The following CCSER1 variants were observed in gnomAD, a reference collection of about 807,000 sequenced individuals.
CCSER1 encodes the protein serine-rich coiled-coil domain-containing protein 1.
In CCSER1, 41 loss-of-function variants were observed where a neutral mutation model predicts 82.0. That is an observed-to-expected ratio of 0.50 (90% CI 0.39 to 0.65). The LOEUF (loss-of-function observed/expected upper bound fraction) is 0.65. Ranked by LOEUF, CCSER1 falls within the 30% of genes least tolerant of loss-of-function variation. The probability of loss-of-function intolerance (pLI) is 0.00; values close to 1 mark genes in which losing one functional copy is unlikely to be tolerated. For missense variants in CCSER1, 1,119 were observed against 1,064.2 expected, an observed-to-expected ratio of 1.05 and a Z score of -0.72; for synonymous variants, 414 against 383.9, an observed-to-expected ratio of 1.08 and a Z score of -0.92.
intron 3 of CCSER1, among the ~76,000 whole-genome samples, chr4:90,375,730 A>G (rs754216721): frequency 6.6e-6 from 1 of 152,136 alleles, no homozygotes; most frequent in Non-Finnish European, 1.5e-5. Context: ...AACATTGCCA[A>G]ACCTCTGGAT....
chr4:90,493,927 T>C (rs1276618675), intron 5 of CCSER1, among the ~76,000 whole-genome samples: 1 of 152,140 alleles, frequency 6.6e-6, no homozygotes, highest in Non-Finnish European at 1.5e-5. Context: ...AAATTAACCT[T>C]AAATGTAAAT....
chr4:91,140,800 T>C (rs1250775216), intron 10 of CCSER1, among the ~76,000 whole-genome samples: 1 of 152,194 alleles, frequency 6.6e-6, no homozygotes, highest in African/African-American at 2.4e-5. Context: ...TTTTCTTTTA[T>C]TACTTTTTAA....
At chr4:90,636,708 T>C (rs1309714805) in intron 6 of CCSER1, among the ~76,000 whole-genome samples, 1 of 152,158 alleles carries the variant, frequency 6.6e-6, no homozygotes, top group Non-Finnish European at 1.5e-5. Context: ...ACAAGGGAAC[T>C]TCTATAGCTA....
intron 8 of CCSER1, among the ~76,000 whole-genome samples, chr4:90,905,077 C>T (rs188910415): frequency 6.6e-6 from 1 of 152,170 alleles, no homozygotes; most frequent in Admixed American, 6.6e-5. Context: ...ACTTTTAAAT[C>T]TAACTCTTAT....
rs547422336 is a variant in CCSER1 at position 91,302,024 on chromosome 4, A to G, written c.2217+216030A>G. Among the ~76,000 whole-genome samples the G allele has an allele frequency of 3.1e-4, 47 of 149,982 alleles. No homozygotes were observed. In the South Asian group the frequency reaches 9.7e-3, roughly 31 times the overall value. ...TTTCCCTTGTTTATTTCTTTCTTAA[A>G]TGGTGCTCTGACACATATTGCTTAA... On this transcript the variant is annotated intron_variant, in intron 10 of 10. Transcript: ENST00000509176.
chr4:91,246,864 CAAGT>C (rs1431451726), intron 10 of CCSER1, among the ~76,000 whole-genome samples: 1 of 144,050 alleles, frequency 6.9e-6, no homozygotes, highest in East Asian at 2.0e-4. Flanking sequence ...ACACGGATAG[CAAGT>C]AAGCATATGA....
chr4:90,162,879 A>G (rs1164614194), intron 1 of CCSER1, among the ~76,000 whole-genome samples: 1 of 152,152 alleles, frequency 6.6e-6, no homozygotes, highest in Non-Finnish European at 1.5e-5. Context: ...AGTGACTTAG[A>G]TAAGCGTGTT....
chr4:90,243,002 A>G (rs1720651323), intron 1 of CCSER1, among the ~76,000 whole-genome samples: 1 of 150,934 alleles, frequency 6.6e-6, no homozygotes, highest in South Asian at 2.1e-4. Context: ...CATAAATTCC[A>G]TGTGGAATTT....
chr4:90,576,502 ATCT>A, intron 5 of CCSER1, among the ~76,000 whole-genome samples: 1 of 152,238 alleles, frequency 6.6e-6, no homozygotes, highest in African/African-American at 2.4e-5. Flanking sequence ...TCAACTATGA[ATCT>A]TCTTTGTTCT....
At chr4:91,085,727 A>C (rs1444614046) in intron 9 of CCSER1, among the ~76,000 whole-genome samples, 2 of 152,040 alleles carry the variant, frequency 1.3e-5, no homozygotes, top group Admixed American at 6.6e-5. Flanking sequence ...ATTTTTACTT[A>C]TGATGTAGGG....
intron 7 of CCSER1, among the ~76,000 whole-genome samples, chr4:90,774,367 A>G (rs1348213759): frequency 6.6e-6 from 1 of 151,990 alleles, no homozygotes; most frequent in African/African-American, 2.4e-5. Flanking sequence ...CTGTGGGTGT[A>G]TTATTCTTTG....
intron 5 of CCSER1, among the ~76,000 whole-genome samples, chr4:90,559,231 A>T (rs546676737): frequency 4.6e-5 from 7 of 152,110 alleles, no homozygotes; most frequent in Non-Finnish European, 1.0e-4. Context: ...CCCTTTTATT[A>T]ATTGCTCCCT....
chr4:90,322,377 T>C (rs1358553002), intron 3 of CCSER1, among the ~76,000 whole-genome samples: 1 of 152,236 alleles, frequency 6.6e-6, no homozygotes, highest in Non-Finnish European at 1.5e-5. Context: ...TTTTGGTTAT[T>C]ATAGCTTTGT....
intron 1 of CCSER1, among the ~76,000 whole-genome samples, chr4:90,307,556 A>G (rs1560992136): frequency 6.6e-6 from 1 of 151,690 alleles, no homozygotes; most frequent in Non-Finnish European, 1.5e-5. Flanking sequence ...GTAAATGACG[A>G]GTTAATGGGT....
At chr4:91,575,935 C>T (rs1348869515) in intron 10 of CCSER1, among the ~76,000 whole-genome samples, 1 of 151,886 alleles carries the variant, frequency 6.6e-6, no homozygotes, top group East Asian at 1.9e-4. Flanking sequence ...TATGAAAAAA[C>T]TGTACGAAGC....
At chr4:90,257,254 A>G (rs1723496895) in intron 1 of CCSER1, among the ~76,000 whole-genome samples, 1 of 152,136 alleles carries the variant, frequency 6.6e-6, no homozygotes, top group South Asian at 2.1e-4. Flanking sequence ...TAAGCAATGC[A>G]TCATTGCTAT....
Position 90,998,856 on chromosome 4 carries a change from G to A in CCSER1, c.2172+75409G>A, listed in dbSNP as rs139544289. 1.5e-3 allele frequency among the ~76,000 whole-genome samples: 231 copies of A among 152,082 alleles called. 3 individuals carry two copies. Among genetic ancestry groups the A allele is most frequent in the African/African-American group, 5.2e-3 (216 of 41,486 alleles). On this transcript the variant is annotated intron_variant, in intron 9 of 10. Transcript: ENST00000509176. ...CAGGTATGGAGAATAGTACCCAACC[G>A]TTAACTTTTCCCACTCTTGCCTCCC... is the stretch of plus-strand genomic sequence containing the variant.
At chr4:90,807,651 CAA>C (rs3042345) in intron 7 of CCSER1, among the ~76,000 whole-genome samples, 2,218 of 139,850 alleles carry the variant, frequency 0.016, 56 homozygotes, top group African/African-American at 0.054. Flanking sequence ...TTTACATTTG[CAA>C]AAAAAAAAAA....
intron 1 of CCSER1, among the ~76,000 whole-genome samples, chr4:90,303,068 A>C (rs966600920): frequency 2.6e-5 from 4 of 152,144 alleles, no homozygotes; most frequent in Non-Finnish European, 5.9e-5. Context: ...AAGACATGTG[A>C]AGGATATTTA....
Sources: gnomAD v4.1 joint callset for allele counts (sites outside exome capture counted in the v4.1 genomes callset) on GRCh38, gnomAD v4.1.1 for gene constraint, MANE v1.5 for transcripts, NCBI Gene and HGNC (gene_info 2026-07-23, HGNC 2026-07-21) for gene names.